Variants in EFCAB6 observed in about 807,000 individuals in gnomAD.
EFCAB6 encodes the protein EF-hand calcium-binding domain-containing protein 6.
In EFCAB6, 156 loss-of-function variants were observed where a neutral mutation model predicts 169.8. That is an observed-to-expected ratio of 0.92 (90% CI 0.81 to 1.05). The LOEUF (loss-of-function observed/expected upper bound fraction) is 1.05, where lower values mean the gene tolerates loss of function less well. Ranked by LOEUF, EFCAB6 falls within the 50% of genes least tolerant of loss-of-function variation. The pLI is 0.00. For missense variants in EFCAB6, 1,800 were observed against 1,829.1 expected, an observed-to-expected ratio of 0.98 and a Z score of 0.29; for synonymous variants, 698 against 676.4, an observed-to-expected ratio of 1.03 and a Z score of -0.50.
intron 8 of EFCAB6, among the ~76,000 whole-genome samples, chr22:43,717,513 C>T (rs1416735381): frequency 1.3e-5 from 2 of 151,768 alleles, no homozygotes; most frequent in African/African-American, 4.8e-5. Context: ...TATAAACATC[C>T]AATAGAACAG....
chr22:43,701,479 G>A (rs928515523), intron 10 of EFCAB6, among the ~76,000 whole-genome samples: 2 of 152,144 alleles, frequency 1.3e-5, no homozygotes, highest in African/African-American at 4.8e-5. Flanking sequence ...GACCATTGTA[G>A]ACAGGGCATT....
chr22:43,667,069 G>C lies in EFCAB6; in HGVS notation c.1983+35C>G, dbSNP rs576557571. 196 of 1,595,580 alleles carry C rather than the reference G, an allele frequency of 1.2e-4. 2 individuals are homozygous for C. The South Asian group carries it at 2.1e-3, about 17-fold the overall frequency. ...AGTATAAGAAAACAGCTGAACTTCT[G>C]CAGGATAGAAACAAAGAGAAACCCA... is the stretch of plus-strand genomic sequence containing the variant. On this transcript the variant is annotated intron_variant, in intron 17 of 31. Coordinates refer to ENST00000262726, the MANE Select transcript of EFCAB6 (RefSeq NM_022785.4).
At chr22:43,737,149 C>T (rs1253822312) in intron 6 of EFCAB6, among the ~76,000 whole-genome samples, 1 of 152,134 alleles carries the variant, frequency 6.6e-6, no homozygotes, top group Non-Finnish European at 1.5e-5. Context: ...GTCCAAATGG[C>T]CTGACGTGGC....
Position 43,615,937 on chromosome 22 carries a change from A to C in EFCAB6, c.2466-15T>G. ...TCTGTTTTGGTCTTAAAAGAAAAAA[A>C]ATAATAAATAACTGTGTTTAAATTT... On this transcript the variant is annotated splice_polypyrimidine_tract_variant and intron_variant, in intron 20 of 31. Transcript: ENST00000262726. The C allele has an allele frequency of 1.2e-6, 2 of 1,600,168 alleles. No homozygotes were observed. The highest frequency in any genetic ancestry group is 2.2e-5 in the South Asian group (2 of 89,442).
chr22:43,792,054 T>A (rs1463475151), intron 2 of EFCAB6, among the ~76,000 whole-genome samples: 2 of 152,026 alleles, frequency 1.3e-5, no homozygotes, highest in Admixed American at 1.3e-4. Context: ...TGGATTCAGG[T>A]GTGGTGATGG....
intron 8 of EFCAB6, among the ~76,000 whole-genome samples, chr22:43,722,495 C>CA (rs1225771408): frequency 1.3e-5 from 2 of 149,548 alleles, no homozygotes; most frequent in African/African-American, 5.0e-5. Flanking sequence ...CGCGCTGCTG[C>CA]ACTCCAGCCT....
rs909399798 is a variant in EFCAB6 at position 43,655,028 on chromosome 22, C to T, written c.1983+12076G>A. Among the ~76,000 whole-genome samples, 8 of 152,230 alleles carry T rather than the reference C, an allele frequency of 5.3e-5. No individual in the cohort carries two copies. In the South Asian group the frequency reaches 6.2e-4, roughly 12 times the overall value. On this transcript the variant is annotated intron_variant, in intron 17 of 31. Transcript: ENST00000262726. The stretch of plus-strand genomic sequence containing the variant: ...ATCTTAGCACTTTGGGAGGCTGAGC[C>T]GAGCGGATCACCTGAGGTCAGGAGT...
chr22:43,688,352 T>G (rs1379271182), intron 10 of EFCAB6, among the ~76,000 whole-genome samples: 2 of 152,216 alleles, frequency 1.3e-5, no homozygotes, highest in Admixed American at 6.5e-5. Flanking sequence ...TATAAGCCAC[T>G]AGGCTCGTGT....
At chr22:43,671,402 A>G (rs2057487818) in intron 15 of EFCAB6, among the ~76,000 whole-genome samples, 1 of 152,058 alleles carries the variant, frequency 6.6e-6, no homozygotes, top group Non-Finnish European at 1.5e-5. Flanking sequence ...GGGTTTCTCC[A>G]TGAGTTGATT....
chr22:43,811,092 C>T (rs991831067), intron 1 of EFCAB6, among the ~76,000 whole-genome samples: 2 of 151,888 alleles, frequency 1.3e-5, no homozygotes, highest in Non-Finnish European at 2.9e-5. Flanking sequence ...CCAACCTGGC[C>T]AACATGGTGA....
rs1177821931 is a variant in EFCAB6 at position 43,540,187 on chromosome 22, A to G, written c.3819T>C (p.Ser1273=). ...SVPDVSEGTR[S]ALSLPTQELR... ...GCTCCTGAGTGGGCAATGAGAGGGCAGATCTGGTGCCTTCCGAGACGTCAG... is the reference window on the plus strand; with the variant it reads ...GCTCCTGAGTGGGCAATGAGAGGGCGGATCTGGTGCCTTCCGAGACGTCAG... The change falls in exon 28 of 32, where the codon TCT becomes TCC. Residue 1273 remains serine, a synonymous_variant. Coordinates refer to ENST00000262726, the MANE Select transcript of EFCAB6 (RefSeq NM_022785.4). 1 of 1,614,082 alleles carries G rather than the reference A, an allele frequency of 6.2e-7. No individual in the cohort carries two copies. The highest frequency in any genetic ancestry group is 1.3e-5 in the African/African-American group (1 of 74,926).
At chr22:43,803,029 T>G (rs561769199) in intron 2 of EFCAB6, among the ~76,000 whole-genome samples, 2 of 152,336 alleles carry the variant, frequency 1.3e-5, no homozygotes, top group Admixed American at 1.3e-4. Context: ...TTCCTGGCTT[T>G]GACACACATA....
chr22:43,677,297 G>A (rs1035836967), intron 13 of EFCAB6, among the ~76,000 whole-genome samples: 5 of 152,126 alleles, frequency 3.3e-5, no homozygotes, highest in Non-Finnish European at 7.3e-5. Context: ...CATAGGGTAC[G>A]AAACTCTAAA....
intron 20 of EFCAB6, among the ~76,000 whole-genome samples, chr22:43,619,452 A>G (rs934539554): frequency 6.6e-6 from 1 of 152,270 alleles, no homozygotes; most frequent in Non-Finnish European, 1.5e-5. Flanking sequence ...AAAAATCTCC[A>G]TAATGCTCAA....
intron 10 of EFCAB6, among the ~76,000 whole-genome samples, chr22:43,691,092 T>C (rs1041811802): frequency 6.6e-6 from 1 of 152,114 alleles, no homozygotes; most frequent in Non-Finnish European, 1.5e-5. Context: ...GACATGATCA[T>C]GAGAAAGAGA....
intron 10 of EFCAB6, among the ~76,000 whole-genome samples, chr22:43,692,862 A>G (rs908587932): frequency 6.6e-6 from 1 of 152,184 alleles, no homozygotes; most frequent in Non-Finnish European, 1.5e-5. Context: ...GTTTGATTAA[A>G]GATATACATT....
intron 3 of EFCAB6, among the ~76,000 whole-genome samples, chr22:43,779,714 T>C (rs1382707494): frequency 6.6e-6 from 1 of 151,958 alleles, no homozygotes; most frequent in Non-Finnish European, 1.5e-5. Context: ...CACTCCAGCC[T>C]GGGCAACAGG....
At chr22:43,626,743 C>A in intron 19 of EFCAB6, 64 bp from the exon 20 acceptor site, 2 of 1,490,362 alleles carry the variant, frequency 1.3e-6, no homozygotes, top group Non-Finnish European at 9.3e-7. Context: ...CACATGCACA[C>A]CCCCACGTGT....
intron 6 of EFCAB6, among the ~76,000 whole-genome samples, chr22:43,736,892 C>G (rs558990735): frequency 1.3e-5 from 2 of 152,176 alleles, no homozygotes; most frequent in South Asian, 4.1e-4. Flanking sequence ...CGCCCACCCC[C>G]CATCTTTCCA....
Sources: gnomAD v4.1 joint callset for allele counts (sites outside exome capture counted in the v4.1 genomes callset) on GRCh38, gnomAD v4.1.1 for gene constraint, MANE v1.5 for transcripts, NCBI Gene and HGNC (gene_info 2026-07-23, HGNC 2026-07-21) for gene names.